PID1: variants seen among roughly 807,000 people sequenced by gnomAD.
PID1 encodes the protein phosphotyrosine interaction domain containing 1.
In PID1, 10 loss-of-function variants were observed where a neutral mutation model predicts 19.1. The ratio of observed to expected loss-of-function variants is 0.52; its 90% CI spans 0.32 to 0.89. The LOEUF (loss-of-function observed/expected upper bound fraction) is 0.89, where lower values mean the gene tolerates loss of function less well. Ranked by LOEUF, PID1 falls within the 40% of genes least tolerant of loss-of-function variation. The pLI is 0.03. For missense variants in PID1, 248 were observed against 285.3 expected, an observed-to-expected ratio of 0.87 and a Z score of 0.94; for synonymous variants, 130 against 116.0, an observed-to-expected ratio of 1.12 and a Z score of -0.78.
chr2:229,097,466 T>C (rs1694994045), intron 2 of PID1, among the ~76,000 whole-genome samples: 1 of 152,220 alleles, frequency 6.6e-6, no homozygotes, highest in Admixed American at 6.5e-5. Context: ...TTTGATTAGA[T>C]GTTGTTAAGT....
intron 1 of PID1, among the ~76,000 whole-genome samples, chr2:229,237,697 A>G (rs979065708): frequency 6.6e-6 from 1 of 152,158 alleles, no homozygotes; most frequent in Non-Finnish European, 1.5e-5. Flanking sequence ...TTGGAGTAAA[A>G]GTGACATTTC....
intron 2 of PID1, among the ~76,000 whole-genome samples, chr2:229,118,733 G>T (rs542671030): frequency 6.6e-6 from 1 of 152,054 alleles, no homozygotes; most frequent in African/African-American, 2.4e-5. Context: ...AAACATGAAA[G>T]GACTTTAAGT....
At chr2:229,178,228 A>G (rs1690866310) in intron 1 of PID1, among the ~76,000 whole-genome samples, 1 of 152,204 alleles carries the variant, frequency 6.6e-6, no homozygotes, top group South Asian at 2.1e-4. Flanking sequence ...TTTAAATTGC[A>G]ATTTCCCCAT....
chr2:229,161,762 C>G (rs1310208744), intron 1 of PID1, among the ~76,000 whole-genome samples: 3 of 152,150 alleles, frequency 2.0e-5, no homozygotes, highest in Non-Finnish European at 4.4e-5. Context: ...AAAGAGTGTA[C>G]CTGCAGTGGC....
intron 2 of PID1, among the ~76,000 whole-genome samples, chr2:229,026,529 A>G (rs1057207886): frequency 3.3e-5 from 5 of 152,234 alleles, no homozygotes; most frequent in African/African-American, 9.6e-5. Context: ...TTGGAAAAAC[A>G]AAATCTTTAT....
intron 2 of PID1, among the ~76,000 whole-genome samples, chr2:229,040,228 G>A (rs1693743230): frequency 6.6e-6 from 1 of 151,710 alleles, no homozygotes. Context: ...AGACCAGCCT[G>A]GCCAACATGG....
intron 1 of PID1, among the ~76,000 whole-genome samples, chr2:229,263,240 C>T (rs1690505817): frequency 6.6e-6 from 1 of 152,182 alleles, no homozygotes; most frequent in Non-Finnish European, 1.5e-5. Flanking sequence ...GGTTCAGGTG[C>T]TGCTTACTGA....
chr2:229,216,784 C>T (rs1691856183), intron 1 of PID1, among the ~76,000 whole-genome samples: 1 of 152,104 alleles, frequency 6.6e-6, no homozygotes, highest in Non-Finnish European at 1.5e-5. Flanking sequence ...CAGTGACTGT[C>T]CCAGAGCTGC....
At chr2:229,099,106 G>A (rs12469281) in intron 2 of PID1, among the ~76,000 whole-genome samples, 23,551 of 152,120 alleles carry the variant, frequency 0.15, 2,069 homozygotes, top group East Asian at 0.34. Context: ...CAATTTTTGT[G>A]TCTTTCAACC....
intron 2 of PID1, among the ~76,000 whole-genome samples, chr2:229,139,158 C>T (rs1159923820): frequency 7.8e-6 from 1 of 127,808 alleles, no homozygotes; most frequent in South Asian, 3.1e-4. Flanking sequence ...AGCAAGCGAG[C>T]GAGCAAGCGA....
intron 2 of PID1, among the ~76,000 whole-genome samples, chr2:229,087,742 T>C (rs568394837): frequency 3.3e-5 from 5 of 152,298 alleles, no homozygotes; most frequent in African/African-American, 1.2e-4. Context: ...TCAGTCAAAA[T>C]AGTAGTTAGA....
chr2:229,094,765 C>T (rs1694941770), intron 2 of PID1, among the ~76,000 whole-genome samples: 1 of 151,964 alleles, frequency 6.6e-6, no homozygotes, highest in South Asian at 2.1e-4. Context: ...CTATCTCTCA[C>T]CATATACAAA....
chr2:229,096,148 GAATT>G (rs1422123601), intron 2 of PID1, among the ~76,000 whole-genome samples: 1 of 152,102 alleles, frequency 6.6e-6, no homozygotes, highest in Non-Finnish European at 1.5e-5. Context: ...ATTCCTATTA[GAATT>G]ACACTTACAA....
intron 1 of PID1, among the ~76,000 whole-genome samples, chr2:229,176,474 T>C (rs1027280095): frequency 2.0e-5 from 3 of 152,234 alleles, no homozygotes; most frequent in Admixed American, 2.0e-4. Context: ...AAACCTTACA[T>C]TCTTACAAAT....
At chr2:229,193,170 G>A (rs542292459) in intron 1 of PID1, among the ~76,000 whole-genome samples, 12 of 152,304 alleles carry the variant, frequency 7.9e-5, no homozygotes, top group East Asian at 3.9e-4. Context: ...AGGATCAACC[G>A]GTGATATTCA....
At chr2:229,147,946 G>A (rs1316051689) in intron 2 of PID1, among the ~76,000 whole-genome samples, 1 of 152,140 alleles carries the variant, frequency 6.6e-6, no homozygotes, top group South Asian at 2.1e-4. Flanking sequence ...GATCTCCAGA[G>A]AGTCCCTCCA....
intron 1 of PID1, among the ~76,000 whole-genome samples, chr2:229,172,990 C>G (rs1574689925): frequency 6.6e-6 from 1 of 152,118 alleles, no homozygotes; most frequent in Non-Finnish European, 1.5e-5. Flanking sequence ...AACTCAGCCT[C>G]CCAAAGTGCT....
Position 229,226,970 on chromosome 2 carries a change from A to G in PID1, c.30+44044T>C, listed in dbSNP as rs534083983. Among the ~76,000 whole-genome samples the G allele has an allele frequency of 1.1e-4, 16 of 152,342 alleles. No individual in the cohort carries two copies. In the South Asian group the frequency reaches 3.3e-3, roughly 32 times the overall value. On this transcript the variant is annotated intron_variant, in intron 1 of 2. Transcript: ENST00000392055. Reference sequence around the variant, plus strand: ...GTAGTGTCAAACTTTCACAACTATAAAAGAGCAATCTCCATGCAAAATTTT... The same window carrying G: ...GTAGTGTCAAACTTTCACAACTATAGAAGAGCAATCTCCATGCAAAATTTT...
At chr2:229,147,589 TATAA>T (rs1346616860) in intron 2 of PID1, among the ~76,000 whole-genome samples, 36 of 152,060 alleles carry the variant, frequency 2.4e-4, no homozygotes, top group Non-Finnish European at 4.7e-4. Flanking sequence ...CTTAATACAT[TATAA>T]ATATTTTCCA....
Sources: allele counts gnomAD v4.1 joint callset (sites outside exome capture counted in the v4.1 genomes callset), GRCh38; gene constraint gnomAD v4.1.1; transcripts MANE v1.5; gene names NCBI Gene and HGNC (gene_info 2026-07-23, HGNC 2026-07-21).